The following BCAS3 variants were observed in gnomAD, a reference collection of about 807,000 sequenced individuals.
BCAS3 encodes BCAS3 microtubule associated cell migration factor, also known as BCAS4/BCAS3 fusion.
In BCAS3, 53 loss-of-function variants were observed where a neutral mutation model predicts 116.1. The ratio of observed to expected loss-of-function variants is 0.46; its 90% CI spans 0.37 to 0.57. The LOEUF (loss-of-function observed/expected upper bound fraction) is 0.57. Among genes scored for constraint, BCAS3 ranks in the 20% least tolerant of loss-of-function variants. The pLI is 0.00. For missense variants in BCAS3, 917 were observed against 1,165.4 expected, an observed-to-expected ratio of 0.79 and a Z score of 3.10; for synonymous variants, 391 against 408.2, an observed-to-expected ratio of 0.96 and a Z score of 0.51.
At chr17:61,179,561 T>TA (rs1353793636) in intron 22 of BCAS3, among the ~76,000 whole-genome samples, 1 of 152,190 alleles carries the variant, frequency 6.6e-6, no homozygotes, top group African/African-American at 2.4e-5. Flanking sequence ...GAAGAGTTAA[T>TA]AAACACCAAG....
At chr17:61,066,635 A>T (rs192993666) in intron 19 of BCAS3, among the ~76,000 whole-genome samples, 91 of 152,276 alleles carry the variant, frequency 6.0e-4, no homozygotes, top group Non-Finnish European at 1.0e-3. Context: ...TTAATGATAA[A>T]TATCTTACCT....
intron 4 of BCAS3, among the ~76,000 whole-genome samples, chr17:60,702,521 T>C (rs1411594313): frequency 1.3e-5 from 2 of 152,192 alleles, no homozygotes; most frequent in African/African-American, 4.8e-5. Flanking sequence ...GATTGAAGTC[T>C]GCAGCTGTGA....
In BCAS3 at chr17:60,973,879, A is replaced by G. The variant is rs542599475; in HGVS notation, c.1222-16092A>G. Among the ~76,000 whole-genome samples the G allele has an allele frequency of 5.3e-5, 8 of 152,244 alleles. No homozygotes were observed. The East Asian group carries it at 1.5e-3, about 29-fold the overall frequency. ...AGTGCTAGGATTATAGGCGTGAGCC[A>G]CCACACCCTGCCTAAAAATATTTTT... is the stretch of plus-strand genomic sequence containing the variant. On this transcript the variant is annotated intron_variant, in intron 14 of 23. Transcript: ENST00000407086.
intron 6 of BCAS3, among the ~76,000 whole-genome samples, chr17:60,799,037 C>A (rs2047460650): frequency 6.6e-6 from 1 of 152,108 alleles, no homozygotes; most frequent in South Asian, 2.1e-4. Context: ...TTTTAAGATT[C>A]CTTTGTGTTG....
chr17:61,283,456 AT>A (rs771915805), intron 22 of BCAS3, among the ~76,000 whole-genome samples: 2,550 of 142,196 alleles, frequency 0.018, 50 homozygotes, highest in African/African-American at 0.053. Flanking sequence ...AAGTAAATTG[AT>A]TTTTTTTTTT....
In BCAS3 at chr17:60,961,939, A is replaced by T. The variant is rs1038562694; in HGVS notation, c.1221+14587A>T. Among the ~76,000 whole-genome samples, 1 of 152,178 alleles carries T rather than the reference A, an allele frequency of 6.6e-6. No individual in the cohort carries two copies. The highest frequency in any genetic ancestry group is 1.9e-4 in the East Asian group (1 of 5,188). On this transcript the variant is annotated intron_variant, in intron 14 of 23. Transcript: ENST00000407086. This position sits in a 1 kb window ranked among gnomAD's most constrained non-coding sequence, Gnocchi z 4.8. ...TCCCACCTAGGAGTGAGATCATGCA[A>T]CATTTCACTGTGCCTGGTTTGTTTC...
At chr17:61,383,832 G>A (rs984966844) in intron 23 of BCAS3, 9 of 152,250 alleles carry the variant, frequency 5.9e-5, no homozygotes, top group African/African-American at 2.2e-4. Flanking sequence ...ATGTGGCTCT[G>A]GCCCGCCGGC....
chr17:60,853,907 G>T (rs537573033), intron 7 of BCAS3, among the ~76,000 whole-genome samples: 185 of 150,310 alleles, frequency 1.2e-3, no homozygotes, highest in African/African-American at 4.2e-3. Context: ...TTTGTAAGTT[G>T]TTTTTTTTTA....
intron 22 of BCAS3, among the ~76,000 whole-genome samples, chr17:61,264,688 G>T (rs1452585475): frequency 6.6e-6 from 1 of 152,202 alleles, no homozygotes; most frequent in East Asian, 1.9e-4. Context: ...GATTACAGGT[G>T]TGAGCCACCA....
chr17:60,786,547 G>GTATATATATATATATATATATATATATA (rs72319489), intron 6 of BCAS3, among the ~76,000 whole-genome samples: 29 of 140,694 alleles, frequency 2.1e-4, no homozygotes, highest in African/African-American at 5.9e-4. Context: ...CTGCAAATGT[G>GTATATATATATATATATATATATATATA]TATATATATA....
intron 22 of BCAS3, among the ~76,000 whole-genome samples, chr17:61,148,108 G>A (rs930310487): frequency 2.0e-5 from 3 of 152,180 alleles, no homozygotes; most frequent in Non-Finnish European, 4.4e-5. Context: ...AGGAATTTTA[G>A]ATAAGTAGAG....
intron 23 of BCAS3, among the ~76,000 whole-genome samples, chr17:61,373,577 G>A (rs1309467369): frequency 6.7e-6 from 1 of 149,816 alleles, no homozygotes; most frequent in Non-Finnish European, 1.5e-5. Context: ...TTTCCTGAGT[G>A]GCCAGGACTA....
intron 5 of BCAS3, among the ~76,000 whole-genome samples, chr17:60,735,817 GT>G (rs2040898714): frequency 1.3e-5 from 2 of 150,984 alleles, no homozygotes; most frequent in South Asian, 2.1e-4. Context: ...TTTCTGAGGA[GT>G]TTTTTTCTTT....
At chr17:60,715,112 G>GTTC (rs1484997604) in intron 5 of BCAS3, among the ~76,000 whole-genome samples, 1 of 150,178 alleles carries the variant, frequency 6.7e-6, no homozygotes, top group African/African-American at 2.4e-5. Flanking sequence ...AACAAATGAA[G>GTTC]TTCTGTACTC....
At chr17:61,090,930 C>T (rs531756020) in intron 22 of BCAS3, among the ~76,000 whole-genome samples, 1 of 152,338 alleles carries the variant, frequency 6.6e-6, no homozygotes, top group East Asian at 1.9e-4. Context: ...GCTGGGATTA[C>T]AGGCGTGAGC....
intron 6 of BCAS3, among the ~76,000 whole-genome samples, chr17:60,777,624 TC>T (rs2045434071): frequency 1.3e-5 from 2 of 151,718 alleles, no homozygotes; most frequent in African/African-American, 4.9e-5. Flanking sequence ...CGACTCTGTC[TC>T]CAAAAAGAAA....
Position 61,039,729 on chromosome 17 carries a change from A to AT in BCAS3, c.1929-1056dup, listed in dbSNP as rs1016211882. Reference sequence around the variant, plus strand: ...AGCCACCGCGCCGGCCCATGAACATATTTTTTTAATTGTCTTCTGTATGTA... The same window carrying AT: ...AGCCACCGCGCCGGCCCATGAACATATTTTTTTTAATTGTCTTCTGTATGTA... On this transcript the variant is annotated intron_variant, in intron 18 of 23. Coordinates refer to ENST00000407086, the MANE Select transcript of BCAS3 (RefSeq NM_017679.5). Among the ~76,000 whole-genome samples, 4 of 152,058 alleles carry AT rather than the reference A, an allele frequency of 2.6e-5. No homozygotes were observed. In the South Asian group the frequency reaches 8.3e-4, roughly 32 times the overall value.
In BCAS3 at chr17:61,215,888, A is replaced by T. The variant is rs2081755108; in HGVS notation, c.2425+131324A>T. On this transcript the variant is annotated intron_variant, in intron 22 of 23. Coordinates refer to ENST00000407086, the MANE Select transcript of BCAS3 (RefSeq NM_017679.5). The surrounding 1 kb of genome is among the most constrained non-coding windows in gnomAD (Gnocchi z 4.8). ...CTGAGTAATTCTAGTGTACAGCCAGATTTGAAAACCTTTGTCTTAGTCAGA... is the reference window on the plus strand; with the variant it reads ...CTGAGTAATTCTAGTGTACAGCCAGTTTTGAAAACCTTTGTCTTAGTCAGA... Among the ~76,000 whole-genome samples, 1 of 152,210 alleles carries T rather than the reference A, an allele frequency of 6.6e-6. No homozygotes were observed. The highest frequency in any genetic ancestry group is 1.5e-5 in the Non-Finnish European group (1 of 68,040).
intron 18 of BCAS3, among the ~76,000 whole-genome samples, chr17:61,040,206 A>T (rs1175326911): frequency 6.6e-6 from 1 of 152,216 alleles, no homozygotes; most frequent in African/African-American, 2.4e-5. Context: ...AGGCTCCAGC[A>T]TTCTTTACTA....
Sources: allele counts gnomAD v4.1 joint callset (sites outside exome capture counted in the v4.1 genomes callset), GRCh38; gene constraint gnomAD v4.1.1; non-coding constraint Gnocchi (gnomAD v3.1); transcripts MANE v1.5; gene names NCBI Gene and HGNC (gene_info 2026-07-23, HGNC 2026-07-21).